RBM39: variants seen among roughly 807,000 people sequenced by gnomAD.
The protein encoded by RBM39 is RNA binding motif protein 39, also known as RNA-binding protein 39.
A neutral mutation model predicts 79.6 loss-of-function variants in RBM39; 12 were observed. The observed-to-expected ratio is 0.15, with a 90% CI of 0.10 to 0.24. RBM39 has a LOEUF of 0.24. RBM39 is among the 10% of genes least tolerant of loss of function. The probability of loss-of-function intolerance (pLI) is 1.00; values close to 1 mark genes in which losing one functional copy is unlikely to be tolerated. For missense variants in RBM39, 243 were observed against 653.4 expected, an observed-to-expected ratio of 0.37 and a Z score of 6.85; for synonymous variants, 185 against 208.4, an observed-to-expected ratio of 0.89 and a Z score of 0.97.
chr20:35,732,729 A>T (rs886123891), intron 3 of RBM39: 1 of 152,966 alleles, frequency 6.5e-6, no homozygotes, highest in Non-Finnish European at 1.5e-5. Flanking sequence ...GGCAAATACA[A>T]ATCAAAATGT....
In RBM39 at chr20:35,709,012, ATTG is replaced by A. The variant is rs2036090948; in HGVS notation, c.1225+209_1225+211del. On this transcript the variant is annotated intron_variant, in intron 13 of 16. Transcript: ENST00000253363. ...TAAGCAAACTAAAGCAAAAAAAAAAATTGTTATTTTGATTTTTTTTAAGTCCAT... is the reference window on the plus strand; with the variant it reads ...TAAGCAAACTAAAGCAAAAAAAAAAATTATTTTGATTTTTTTTAAGTCCAT... The A allele has an allele frequency of 2.0e-5, 9 of 441,730 alleles. No individual in the cohort carries two copies. In the South Asian group the frequency reaches 2.5e-4, roughly 12 times the overall value. The allele number at this position is 441,730 out of a possible 1,614,324, so 27.4% of individuals were successfully genotyped here. A position where few individuals can be genotyped will look rare whatever the true frequency, so the allele number is the denominator to read the frequency against.
In RBM39 at chr20:35,704,474, TCTTC is replaced by T; in HGVS notation, c.*3_*6del. Reference sequence around the variant, plus strand: ...AAAGCTATATACATAAGGGACTATATCTTCCTTCATCGTCTACTTGGAACCAGTA... The same window carrying T: ...AAAGCTATATACATAAGGGACTATATCTTCATCGTCTACTTGGAACCAGTA... On this transcript the variant is annotated 3_prime_UTR_variant, in exon 17 of 17. Transcript: ENST00000253363. 2 of 1,582,706 alleles carry T rather than the reference TCTTC, an allele frequency of 1.3e-6. No individual in the cohort carries two copies. Among genetic ancestry groups the T allele is most frequent in the African/African-American group, 1.3e-5 (1 of 74,186 alleles).
chr20:35,721,250 T>C (rs1172147413), intron 9 of RBM39, among the ~76,000 whole-genome samples: 1 of 152,180 alleles, frequency 6.6e-6, no homozygotes, highest in Non-Finnish European at 1.5e-5. Context: ...AAAAGAATCT[T>C]AAGATATTCA....
At chr20:35,740,657 A>T in intron 2 of RBM39, 167 bp downstream of exon 2, 1 of 1,320,548 alleles carries the variant, frequency 7.6e-7, no homozygotes, top group Non-Finnish European at 1.1e-6. Context: ...ACTGCACAAT[A>T]TTATTACATC....
intron 7 of RBM39, 39 bp downstream of exon 7, chr20:35,724,999 T>G (rs775690444): frequency 7.2e-7 from 1 of 1,380,824 alleles, no homozygotes; most frequent in Non-Finnish European, 1.0e-6. Context: ...TCTCTTGCAA[T>G]TTCTACCTAC....
In RBM39 at chr20:35,738,946, C is replaced by T. The variant is rs924085403; in HGVS notation, c.101+22G>A. The stretch of plus-strand genomic sequence containing the variant: ...CACAAAAAAGCTCACCACCCTCCCC[C>T]AAGCCCCTTCTTAAAACTCACTTTT... On this transcript the variant is annotated intron_variant, in intron 3 of 16. Transcript: ENST00000253363. The T allele has an allele frequency of 2.5e-6, 4 of 1,601,088 alleles. No individual in the cohort carries two copies. The African/African-American group carries it at 5.4e-5, about 21-fold the overall frequency.
chr20:35,724,332 CAA>C, intron 8 of RBM39, among the ~76,000 whole-genome samples: 3 of 145,342 alleles, frequency 2.1e-5, no homozygotes, highest in East Asian at 4.1e-4. Flanking sequence ...ATCTCAAAAA[CAA>C]AACAAAAAAA....
intron 6 of RBM39, among the ~76,000 whole-genome samples, chr20:35,727,288 T>G (rs956732428): frequency 2.6e-5 from 4 of 151,546 alleles, no homozygotes; most frequent in Non-Finnish European, 1.5e-5. Context: ...CATTAGAAAC[T>G]GCAGTGAGAC....
At chr20:35,728,402 A>G (rs2038995693) in intron 6 of RBM39, among the ~76,000 whole-genome samples, 1 of 152,230 alleles carries the variant, frequency 6.6e-6, no homozygotes, top group South Asian at 2.1e-4. Context: ...TGTATTACCC[A>G]TATACATAAT....
intron 13 of RBM39, chr20:35,708,134 T>G: frequency 4.5e-6 from 1 of 219,808 alleles, no homozygotes; most frequent in Non-Finnish European, 9.7e-6. Flanking sequence ...TACAGGTGCT[T>G]TAGCTTCTCT....
At chr20:35,706,786 G>C (rs2035780736) in intron 14 of RBM39, among the ~76,000 whole-genome samples, 1 of 152,008 alleles carries the variant, frequency 6.6e-6, no homozygotes, top group Non-Finnish European at 1.5e-5. Context: ...CCAGCACTTT[G>C]GTAGGCTAAG....
intron 10 of RBM39, among the ~76,000 whole-genome samples, chr20:35,715,877 T>C (rs2037058405): frequency 7.7e-6 from 1 of 129,488 alleles, no homozygotes. Flanking sequence ...TGTCTTCCTC[T>C]CTCTTCCTCT....
chr20:35,713,759 AGAG>A (rs1372420142), intron 11 of RBM39: 1 of 150,926 alleles, frequency 6.6e-6, no homozygotes, highest in Non-Finnish European at 1.5e-5. Context: ...CCAGCTATTT[AGAG>A]ATTAGGGTGG....
At chr20:35,741,525 T>C (rs1007519813) in intron 1 of RBM39, 3 of 152,214 alleles carry the variant, frequency 2.0e-5, no homozygotes, top group African/African-American at 7.2e-5. Flanking sequence ...ATATCCAATA[T>C]TTAAAACTCT....
intron 1 of RBM39, 66 bp from the exon 2 acceptor site, chr20:35,740,953 C>A: frequency 2.7e-6 from 3 of 1,125,762 alleles, no homozygotes; most frequent in Non-Finnish European, 3.9e-6. Context: ...AAGTTTCACT[C>A]TTGTTGCCTA....
chr20:35,729,215 T>C (rs1569052660), intron 6 of RBM39, 97 bp downstream of exon 6: 4 of 1,122,332 alleles, frequency 3.6e-6, no homozygotes, highest in Non-Finnish European at 3.7e-6. Context: ...AAAAGCAAGA[T>C]TTAATATGGT....
chr20:35,724,325 TCAAAAA>T (rs2038382002), intron 8 of RBM39, among the ~76,000 whole-genome samples: 1 of 148,958 alleles, frequency 6.7e-6, no homozygotes, highest in African/African-American at 2.5e-5. Context: ...AGACTCCATC[TCAAAAA>T]CAAAACAAAA....
At chr20:35,709,304 C>T in intron 12 of RBM39, 30 bp from the exon 13 acceptor site, 1 of 1,556,166 alleles carries the variant, frequency 6.4e-7, no homozygotes, top group Non-Finnish European at 8.7e-7. Context: ...CAATGAAGAG[C>T]CTCAACTAAC....
At position 35,732,053 on chromosome 20, in the gene RBM39, C is replaced by T. The variant is rs1161818723; in HGVS notation, c.184G>A (p.Glu62Lys). The T allele has an allele frequency of 6.2e-7, 1 of 1,614,030 alleles. No individual in the cohort carries two copies. ...TCACGGCTTTTGCTCTTTTTCCTTT[C>T]TCTGTCTCTACTTCGCTTCCGTTCC... ...SKERKRSRDR[E>K]RKKSKSRERK... Residue 62 changes from glutamate to lysine, a missense_variant, in exon 4 of 17, where the codon GAA becomes AAA. Around this residue, in one of 4 missense-constraint regions of RBM39, gnomAD observed 115 missense variants for 184.1 expected, o/e 0.62. Coordinates refer to ENST00000253363, the MANE Select transcript of RBM39 (RefSeq NM_184234.3).
Sources: gnomAD v4.1 joint callset for allele counts (sites outside exome capture counted in the v4.1 genomes callset) on GRCh38, gnomAD v4.1.1 for gene constraint, gnomAD v4.1.1 regional missense constraint, MANE v1.5 for transcripts, NCBI Gene and HGNC (gene_info 2026-07-23, HGNC 2026-07-21) for gene names.